KIAA1217: variants seen among roughly 807,000 people sequenced by gnomAD.
The protein encoded by KIAA1217 is KIAA1217.
Under a neutral mutation model 163.9 loss-of-function variants are expected in KIAA1217, and 88 were observed. The ratio of observed to expected loss-of-function variants is 0.54; its 90% CI spans 0.45 to 0.64. The LOEUF is 0.64. Ranked by LOEUF, KIAA1217 falls within the 30% of genes least tolerant of loss-of-function variation. The probability of loss-of-function intolerance (pLI) is 0.00; values close to 1 mark genes in which losing one functional copy is unlikely to be tolerated. For synonymous variants in KIAA1217, 903 were observed against 923.1 expected (o/e 0.98, Z 0.39); for missense variants, 2,372 against 2,475.0 (o/e 0.96, Z 0.88).
intron 2 of KIAA1217, among the ~76,000 whole-genome samples, chr10:24,229,042 C>G (rs1465316385): frequency 1.3e-5 from 2 of 152,062 alleles, no homozygotes; most frequent in African/African-American, 4.8e-5. Flanking sequence ...AACGTACTAC[C>G]CTCTGTTATG....
chr10:24,527,748 A>G (rs1473947817), intron 13 of KIAA1217, among the ~76,000 whole-genome samples, 188 bp from the exon 14 acceptor site: 2 of 152,150 alleles, frequency 1.3e-5, no homozygotes, highest in African/African-American at 4.8e-5. Context: ...GGTTTGTTGC[A>G]TAAGTAAACA....
At chr10:24,041,845 C>T (rs939260032) in intron 2 of KIAA1217, among the ~76,000 whole-genome samples, 2 of 152,068 alleles carry the variant, frequency 1.3e-5, no homozygotes, top group East Asian at 1.9e-4. Flanking sequence ...ACATCTGGCT[C>T]ATTTTTATGT....
chr10:23,713,133 G>C (rs892774308), intron 1 of KIAA1217, among the ~76,000 whole-genome samples: 4 of 152,096 alleles, frequency 2.6e-5, no homozygotes, highest in Non-Finnish European at 4.4e-5. Flanking sequence ...AGGAGTGCAG[G>C]TTGCAGATTA....
chr10:24,019,611 A>G (rs889056196), intron 2 of KIAA1217, among the ~76,000 whole-genome samples: 34 of 152,050 alleles, frequency 2.2e-4, no homozygotes, highest in Admixed American at 1.9e-3. Context: ...AGTCTTGGAA[A>G]TACTTAACTC....
rs778185120 is a variant in KIAA1217 at position 23,934,557 on chromosome 10, GTATATATATATATA to G, written c.-320-72648_-320-72635del. Among the ~76,000 whole-genome samples, 162 of 44,312 alleles carry G rather than the reference GTATATATATATATA, an allele frequency of 3.7e-3. 15 individuals are homozygous for G. Among genetic ancestry groups the G allele is most frequent in the African/African-American group, 0.014 (129 of 9,110 alleles). 29.1% of individuals were successfully genotyped at this position (44,312 alleles called of 152,430 possible). A position where few individuals can be genotyped will look rare whatever the true frequency, so the allele number is the denominator to read the frequency against. Reference sequence around the variant, plus strand: ...AAAAATATATTAAGTGGTCTTTAAAGTATATATATATATATATATATATATATATATATGTATAT... The same window carrying G: ...AAAAATATATTAAGTGGTCTTTAAAGTATATATATATATATATATGTATAT... On this transcript the variant is annotated intron_variant, in intron 1 of 18. Transcript: ENST00000376462.
In KIAA1217 at chr10:23,864,360, G is replaced by A. The variant is rs918034202; in HGVS notation, c.-320-142865G>A. 3.3e-5 allele frequency among the ~76,000 whole-genome samples: 5 copies of A among 151,998 alleles called. No homozygotes were observed. The South Asian group carries it at 8.3e-4, about 25-fold the overall frequency. On this transcript the variant is annotated intron_variant, in intron 1 of 18. Transcript: ENST00000376462. ...TAATGTTCCTTAGCCTGGTATGAAA[G>A]ACCCTTCAGTATCTTCTCTCAATTG...
chr10:24,229,410 C>T (rs753253557), intron 2 of KIAA1217, among the ~76,000 whole-genome samples: 28 of 152,196 alleles, frequency 1.8e-4, no homozygotes, highest in African/African-American at 5.5e-4. Context: ...AATCCAATGG[C>T]GAAATGATGG....
At chr10:23,845,808 T>G (rs933179772) in intron 1 of KIAA1217, among the ~76,000 whole-genome samples, 1 of 152,206 alleles carries the variant, frequency 6.6e-6, no homozygotes, top group South Asian at 2.1e-4. Context: ...TCTTTGCCCA[T>G]GCCTATGTCC....
intron 1 of KIAA1217, among the ~76,000 whole-genome samples, chr10:23,979,668 G>T (rs1398886907): frequency 1.3e-5 from 2 of 152,110 alleles, no homozygotes; most frequent in African/African-American, 4.8e-5. Context: ...AGGTGTGCTT[G>T]TCCCTCTCTG....
intron 1 of KIAA1217, among the ~76,000 whole-genome samples, chr10:23,915,984 G>C (rs1842620733): frequency 6.6e-6 from 1 of 152,146 alleles, no homozygotes; most frequent in South Asian, 2.1e-4. Flanking sequence ...AGAATACCTA[G>C]GGCAATGCTT....
At chr10:24,010,585 A>T (rs1354162830) in intron 2 of KIAA1217, among the ~76,000 whole-genome samples, 1 of 151,720 alleles carries the variant, frequency 6.6e-6, no homozygotes, top group East Asian at 1.9e-4. Context: ...GCAGTGTAAG[A>T]AATTGTGAGT....
intron 1 of KIAA1217, among the ~76,000 whole-genome samples, chr10:23,897,967 C>T (rs1469168106): frequency 1.3e-5 from 2 of 151,776 alleles, no homozygotes; most frequent in Non-Finnish European, 2.9e-5. Context: ...TCCTCAATTT[C>T]CCTTTTCTTA....
chr10:24,524,858 T>C, intron 13 of KIAA1217, 94 bp downstream of exon 13: 1 of 1,122,480 alleles, frequency 8.9e-7, no homozygotes, highest in Non-Finnish European at 1.3e-6. Context: ...GATGACATGA[T>C]TGTGTATGGA....
intron 1 of KIAA1217, among the ~76,000 whole-genome samples, chr10:23,737,102 T>C (rs1208506710): frequency 6.6e-6 from 1 of 152,276 alleles, no homozygotes; most frequent in Non-Finnish European, 1.5e-5. Flanking sequence ...AAGACTCTTA[T>C]AATTTTATTA....
At chr10:23,967,938 T>G (rs1203852009) in intron 1 of KIAA1217, among the ~76,000 whole-genome samples, 2 of 149,732 alleles carry the variant, frequency 1.3e-5, no homozygotes, top group Non-Finnish European at 3.0e-5. Flanking sequence ...TGTGTGTGTA[T>G]GGAGGACATG....
intron 1 of KIAA1217, among the ~76,000 whole-genome samples, chr10:23,766,138 T>A (rs991380402): frequency 2.0e-5 from 3 of 152,238 alleles, no homozygotes; most frequent in African/African-American, 7.2e-5. Context: ...AGATGACAAG[T>A]TGAAACTCAT....
intron 1 of KIAA1217, among the ~76,000 whole-genome samples, chr10:24,216,855 A>G (rs549069613): frequency 6.7e-6 from 1 of 150,188 alleles, no homozygotes; most frequent in African/African-American, 2.4e-5. Flanking sequence ...GGTAAAAAAT[A>G]AAATAAAATA....
At chr10:24,140,394 T>G (rs2064012919) in intron 2 of KIAA1217, among the ~76,000 whole-genome samples, 1 of 151,892 alleles carries the variant, frequency 6.6e-6, no homozygotes, top group Admixed American at 6.6e-5. Flanking sequence ...CTTTATGGCT[T>G]CTTTTTGGCA....
intron 1 of KIAA1217, among the ~76,000 whole-genome samples, chr10:23,846,053 G>A (rs960651508): frequency 6.6e-6 from 1 of 151,992 alleles, no homozygotes; most frequent in Non-Finnish European, 1.5e-5. Flanking sequence ...GATGTGTGGT[G>A]TTTTTTCTGA....
Sources: gnomAD v4.1 joint callset for allele counts (sites outside exome capture counted in the v4.1 genomes callset) on GRCh38, gnomAD v4.1.1 for gene constraint, MANE v1.5 for transcripts, NCBI Gene and HGNC (gene_info 2026-07-23, HGNC 2026-07-21) for gene names.